Variants in KCNQ1OT1 observed in about 807,000 individuals in gnomAD.
KCNQ1OT1 encodes the protein KCNQ1 opposite strand/antisense transcript 1.
At chr11:2,615,778 G>A (rs944047138) in exon 1 of KCNQ1OT1, 1 of 397,734 alleles carries the variant, frequency 2.5e-6, no homozygotes, top group Admixed American at 4.4e-5. Context: ...TGCTGAATTT[G>A]GCTTACTAGT....
Position 2,655,750 on chromosome 11 carries a change from G to A in KCNQ1OT1, n.44245C>T, listed in dbSNP as rs144375995. On this transcript the variant is annotated non_coding_transcript_exon_variant, in exon 1 of 1. Transcript: ENST00000597346. The stretch of plus-strand genomic sequence containing the variant: ...GGCTACGACCACAGGTGAAAACAGG[G>A]AAGAGGTGGCAGCTCTGGTCACTGC... 6.7e-5 allele frequency: 23 copies of A among 342,052 alleles called. 1 individual carries two copies. In the Middle Eastern group the frequency reaches 3.1e-3, roughly 46 times the overall value. The allele number at this position is 342,052 out of a possible 1,614,324, so 21.2% of individuals were successfully genotyped here.
At chr11:2,616,963 GTTTTTT>G (rs35383069) in exon 1 of KCNQ1OT1, 1 of 351,986 alleles carries the variant, frequency 2.8e-6, no homozygotes, top group Non-Finnish European at 5.1e-6. Flanking sequence ...ATCTTGTTGT[GTTTTTT>G]TTTTTTAATT....
At position 2,679,881 on chromosome 11, in the gene KCNQ1OT1, G is replaced by T. The variant is rs1271419744; in HGVS notation, n.20114C>A. 1 of 398,128 alleles carries T rather than the reference G, an allele frequency of 2.5e-6. No individual in the cohort carries two copies. The highest frequency in any genetic ancestry group is 4.4e-5 in the Admixed American group (1 of 22,652). 24.7% of individuals were successfully genotyped at this position (398,128 alleles called of 1,614,324 possible). Reference sequence around the variant, plus strand: ...TTTCATATAAACTTAGAACTAGCACGCCTAATTTTTTTTTTATTTTTATTT... The same window carrying T: ...TTTCATATAAACTTAGAACTAGCACTCCTAATTTTTTTTTTATTTTTATTT... On this transcript the variant is annotated non_coding_transcript_exon_variant, in exon 1 of 1. Coordinates refer to ENST00000597346, the Ensembl canonical transcript of KCNQ1OT1. This position sits in a 1 kb window ranked among gnomAD's most constrained non-coding sequence, Gnocchi z 4.8.
chr11:2,610,107 C>A, exon 1 of KCNQ1OT1: 1 of 397,634 alleles, frequency 2.5e-6, no homozygotes, highest in Non-Finnish European at 4.4e-6. Flanking sequence ...TTGCTGCTTT[C>A]TTTTCCATCT....
exon 1 of KCNQ1OT1, chr11:2,648,905 A>G (rs1346283445): frequency 2.5e-6 from 1 of 397,886 alleles, no homozygotes; most frequent in Non-Finnish European, 4.4e-6. Flanking sequence ...GGTTGCATAT[A>G]TAATTGTTAT....
rs2133897375 is a variant in KCNQ1OT1, at chr11:2,695,637, G to T, written n.4358C>A. The T allele has an allele frequency of 2.5e-6, 1 of 398,510 alleles. No homozygotes were observed. The highest frequency in any genetic ancestry group is 6.3e-4 in the Middle Eastern group (1 of 1,588). The allele number at this position is 398,510 out of a possible 1,614,324, so 24.7% of individuals were successfully genotyped here. Reference sequence around the variant, plus strand: ...TGTTTACTTAGGAGGGAAACTGCTGGGCCACAGGTATAAAATATTTTATTT... The same window carrying T: ...TGTTTACTTAGGAGGGAAACTGCTGTGCCACAGGTATAAAATATTTTATTT... On this transcript the variant is annotated non_coding_transcript_exon_variant, in exon 1 of 1. Coordinates refer to ENST00000597346, the Ensembl canonical transcript of KCNQ1OT1. The surrounding 1 kb of genome is among the most constrained non-coding windows in gnomAD (Gnocchi z 5.2).
chr11:2,694,235 G>A, exon 1 of KCNQ1OT1: 1 of 398,692 alleles, frequency 2.5e-6, no homozygotes, highest in Non-Finnish European at 4.4e-6. Context: ...GATGTGGCAG[G>A]ATGCAAGCCA....
Position 2,679,169 on chromosome 11 carries a change from C to T in KCNQ1OT1, n.20826G>A. 2.5e-6 allele frequency: 1 copy of T among 398,638 alleles called. No homozygotes were observed. Among genetic ancestry groups the T allele is most frequent in the Non-Finnish European group, 4.4e-6 (1 of 226,084 alleles). The allele number at this position is 398,638 out of a possible 1,614,324, so 24.7% of individuals were successfully genotyped here. On this transcript the variant is annotated non_coding_transcript_exon_variant, in exon 1 of 1. Transcript: ENST00000597346. The surrounding 1 kb of genome is among the most constrained non-coding windows in gnomAD (Gnocchi z 4.8). ...GAGTTGGGCAGCAGCGACTCAGTTTCCATGTCTGAGTTAGGCCACCTGTAA... is the reference window on the plus strand; with the variant it reads ...GAGTTGGGCAGCAGCGACTCAGTTTTCATGTCTGAGTTAGGCCACCTGTAA...
Position 2,676,739 on chromosome 11 carries a change from T to C in KCNQ1OT1, n.23256A>G. 1 of 398,588 alleles carries C rather than the reference T, an allele frequency of 2.5e-6. No individual in the cohort carries two copies. Among genetic ancestry groups the C allele is most frequent in the Non-Finnish European group, 4.4e-6 (1 of 226,062 alleles). 24.7% of individuals were successfully genotyped at this position (398,588 alleles called of 1,614,324 possible). A position where few individuals can be genotyped will look rare whatever the true frequency, so the allele number is the denominator to read the frequency against. On this transcript the variant is annotated non_coding_transcript_exon_variant, in exon 1 of 1. Coordinates refer to ENST00000597346, the Ensembl canonical transcript of KCNQ1OT1. This position sits in a 1 kb window ranked among gnomAD's most constrained non-coding sequence, Gnocchi z 4.2. ...AAGTCATATGCATAGTGGCTTTGGG[T>C]ACGATGGTCTGCTGTATGAAGCAAC...
Position 2,645,873 on chromosome 11 carries a change from G to T in KCNQ1OT1, n.54122C>A. The T allele has an allele frequency of 2.5e-6, 1 of 398,590 alleles. No individual in the cohort carries two copies. The highest frequency in any genetic ancestry group is 3.6e-5 in the East Asian group (1 of 28,074). 24.7% of individuals were successfully genotyped at this position (398,590 alleles called of 1,614,324 possible). On this transcript the variant is annotated non_coding_transcript_exon_variant, in exon 1 of 1. Transcript: ENST00000597346. This position sits in a 1 kb window ranked among gnomAD's most constrained non-coding sequence, Gnocchi z 5.8. Reference sequence around the variant, plus strand: ...ATGTGTGAATTGCCTGAGGATTCAGGGTGATCTCCCTCTCTGGGAGCTGTT... The same window carrying T: ...ATGTGTGAATTGCCTGAGGATTCAGTGTGATCTCCCTCTCTGGGAGCTGTT...
chr11:2,646,188 T>C (rs934046675), exon 1 of KCNQ1OT1: 1 of 398,552 alleles, frequency 2.5e-6, no homozygotes, highest in East Asian at 3.6e-5. Context: ...GGTTACCTAC[T>C]TGCTATATTT....
rs917643221 is a variant in KCNQ1OT1, at chr11:2,665,230, G to A, written n.34765C>T. 111 of 398,426 alleles carry A rather than the reference G, an allele frequency of 2.8e-4. No individual in the cohort carries two copies. Among genetic ancestry groups the A allele is most frequent in the Middle Eastern group, 1.2e-3 (2 of 1,610 alleles). The allele number at this position is 398,426 out of a possible 1,614,324, so 24.7% of individuals were successfully genotyped here. A position where few individuals can be genotyped will look rare whatever the true frequency, so the allele number is the denominator to read the frequency against. On this transcript the variant is annotated non_coding_transcript_exon_variant, in exon 1 of 1. Coordinates refer to ENST00000597346, the Ensembl canonical transcript of KCNQ1OT1. Reference sequence around the variant, plus strand: ...AGAAGCTGTCTTCCTAGGTTGAATGGGGCACAAGAGAGTCCCTGCCAGCCT... The same window carrying A: ...AGAAGCTGTCTTCCTAGGTTGAATGAGGCACAAGAGAGTCCCTGCCAGCCT...
At chr11:2,643,204 A>C in exon 1 of KCNQ1OT1, 2 of 398,268 alleles carry the variant, frequency 5.0e-6, no homozygotes, top group Non-Finnish European at 8.9e-6. Flanking sequence ...TTTAAATCCA[A>C]TGTTTCTTTG....
Position 2,658,138 on chromosome 11 carries a change from T to G in KCNQ1OT1, n.41857A>C. The G allele has an allele frequency of 2.5e-6, 1 of 398,606 alleles. No individual in the cohort carries two copies. Among genetic ancestry groups the G allele is most frequent in the Non-Finnish European group, 4.4e-6 (1 of 226,036 alleles). The allele number at this position is 398,606 out of a possible 1,614,324, so 24.7% of individuals were successfully genotyped here. A position where few individuals can be genotyped will look rare whatever the true frequency, so the allele number is the denominator to read the frequency against. ...AAAAAATCTGCAAATATGTTAAAAC[T>G]ACCACAGCAATTAAAATACATTTCA... On this transcript the variant is annotated non_coding_transcript_exon_variant, in exon 1 of 1. Coordinates refer to ENST00000597346, the Ensembl canonical transcript of KCNQ1OT1. This position sits in a 1 kb window ranked among gnomAD's most constrained non-coding sequence, Gnocchi z 4.9.
rs750749750 is a variant in KCNQ1OT1, at chr11:2,669,332, G to A, written n.30663C>T. 1.1e-3 allele frequency: 456 copies of A among 398,624 alleles called. 2 individuals are homozygous for A. The highest frequency in any genetic ancestry group is 7.0e-4 in the Non-Finnish European group (158 of 226,066). 24.7% of individuals were successfully genotyped at this position (398,624 alleles called of 1,614,324 possible). A position where few individuals can be genotyped will look rare whatever the true frequency, so the allele number is the denominator to read the frequency against. ...TTGCCATGGAAAGCCTCCTCTAGGC[G>A]CAGCAGCCTCTAGATGGGCATGGGA... On this transcript the variant is annotated non_coding_transcript_exon_variant, in exon 1 of 1. Coordinates refer to ENST00000597346, the Ensembl canonical transcript of KCNQ1OT1. This position sits in a 1 kb window ranked among gnomAD's most constrained non-coding sequence, Gnocchi z 5.6.
chr11:2,676,619 G>C lies in KCNQ1OT1; in HGVS notation n.23376C>G, dbSNP rs1850299383. ...CTCTCCAAAGAGGCCTCTAAGAAAT[G>C]GGTAGCTTCACAGATTCACAGATAG... On this transcript the variant is annotated non_coding_transcript_exon_variant, in exon 1 of 1. Transcript: ENST00000597346. This position sits in a 1 kb window ranked among gnomAD's most constrained non-coding sequence, Gnocchi z 4.2. 2 of 398,496 alleles carry C rather than the reference G, an allele frequency of 5.0e-6. No individual in the cohort carries two copies. Among genetic ancestry groups the C allele is most frequent in the Non-Finnish European group, 4.4e-6 (1 of 226,086 alleles). The allele number at this position is 398,496 out of a possible 1,614,324, so 24.7% of individuals were successfully genotyped here.
rs1355870534 is a variant in KCNQ1OT1 at position 2,654,216 on chromosome 11, T to A, written n.45779A>T. 5.0e-6 allele frequency: 2 copies of A among 398,672 alleles called. No individual in the cohort carries two copies. The highest frequency in any genetic ancestry group is 4.1e-5 in the African/African-American group (2 of 48,622). The allele number at this position is 398,672 out of a possible 1,614,324, so 24.7% of individuals were successfully genotyped here. The stretch of plus-strand genomic sequence containing the variant: ...TCAGCAATGTCACGCAGGGCCTGGC[T>A]GCAGCTGTCCGGATGCCCCTGGGGA... On this transcript the variant is annotated non_coding_transcript_exon_variant, in exon 1 of 1. Coordinates refer to ENST00000597346, the Ensembl canonical transcript of KCNQ1OT1. This position sits in a 1 kb window ranked among gnomAD's most constrained non-coding sequence, Gnocchi z 6.4.
chr11:2,656,488 C>T (rs889233009), exon 1 of KCNQ1OT1: 92 of 398,578 alleles, frequency 2.3e-4, no homozygotes, highest in Non-Finnish European at 1.9e-4. Context: ...CTCGCCCCCA[C>T]GGGCCATGAG....
In KCNQ1OT1 at chr11:2,674,872, A is replaced by T. The variant is rs1302157362; in HGVS notation, n.25123T>A. 3.2e-5 allele frequency: 11 copies of T among 346,138 alleles called. No individual in the cohort carries two copies. Among genetic ancestry groups the T allele is most frequent in the Non-Finnish European group, 5.0e-5 (10 of 198,290 alleles). The allele number at this position is 346,138 out of a possible 1,614,324, so 21.4% of individuals were successfully genotyped here. On this transcript the variant is annotated non_coding_transcript_exon_variant, in exon 1 of 1. Transcript: ENST00000597346. This position sits in a 1 kb window ranked among gnomAD's most constrained non-coding sequence, Gnocchi z 5.9. ...AAAAAAAAAAAAAAGCTCACTGGGC[A>T]CCTTGGCTGCAGGGTCTGAAAAGTC... is the stretch of plus-strand genomic sequence containing the variant.
Sources: gnomAD v4.1 joint callset for allele counts on GRCh38, gnomAD v4.1.1 for gene constraint, Gnocchi (gnomAD v3.1) non-coding constraint, MANE v1.5 for transcripts, NCBI Gene and HGNC (gene_info 2026-07-23, HGNC 2026-07-21) for gene names.